The following PGAP6 variants were observed in gnomAD, a reference collection of about 807,000 sequenced individuals.
PGAP6 encodes post-GPI attachment to proteins 6, also known as post-GPI attachment to proteins factor 6.
Under a neutral mutation model 68.4 loss-of-function variants are expected in PGAP6, and 62 were observed. The observed-to-expected ratio is 0.91, with a 90% CI of 0.74 to 1.12. PGAP6 has a LOEUF of 1.12. PGAP6 is among the 50% of genes most tolerant of loss of function. PGAP6 has a pLI of 0.00. For missense variants in PGAP6, 1,188 were observed against 1,068.5 expected, an observed-to-expected ratio of 1.11 and a Z score of -1.56; for synonymous variants, 575 against 474.0, an observed-to-expected ratio of 1.21 and a Z score of -2.77.
At position 377,681 on chromosome 16, in the gene PGAP6, C is replaced by A. The variant is rs762206446; in HGVS notation, c.289G>T (p.Glu97Ter). ...CGGGCAGCCACCTACACGGTGATCT[C>A]CGCGTCGGTGCAGGCAGCGCCGCTC... ...RESGAACTDA[E>*]ITVHFRSGAP... The change falls in exon 2 of 13, where the codon GAG becomes TAG. Residue 97 changes from glutamate to a stop codon, truncating the protein, a stop_gained. Coordinates refer to ENST00000431232, the MANE Select transcript of PGAP6 (RefSeq NM_021259.3). LOFTEE classifies it high-confidence loss of function. 6.3e-7 allele frequency: 1 copy of A among 1,584,646 alleles called. No individual in the cohort carries two copies. Among genetic ancestry groups the A allele is most frequent in the Non-Finnish European group, 8.6e-7 (1 of 1,166,576 alleles).
intron 1 of PGAP6, among the ~76,000 whole-genome samples, chr16:378,361 C>G (rs79939350): frequency 0.014 from 630 of 45,880 alleles, 9 homozygotes; most frequent in Middle Eastern, 0.06. Context: ...GACTGCCATC[C>G]CCACCCGCAC....
rs150398670 is a variant in PGAP6, at chr16:377,084, C to A, written c.588G>T (p.Pro196=). 3.7e-6 allele frequency: 6 copies of A among 1,613,358 alleles called. No homozygotes were observed. The African/African-American group carries it at 6.7e-5, about 18-fold the overall frequency. Residue 196 remains proline (P), a synonymous_variant, in exon 4 of 13, where the codon CCG becomes CCT. Transcript: ENST00000431232. ...TRVVEISIME[P]DVPLPQTLLS... ...GGAGGGTCTGAGGAAGGGGCACGTC[C>A]GGCTCCATGATGGAAATCTCGACCA...
upstream of PGAP6, among the ~76,000 whole-genome samples, chr16:383,708 A>C (rs1426105771): frequency 6.6e-6 from 1 of 152,242 alleles, no homozygotes; most frequent in African/African-American, 2.4e-5. Flanking sequence ...GTGTGTGTCA[A>C]AGGCATCGAA....
intron 1 of PGAP6, 67 bp downstream of exon 1, chr16:381,634 G>T: frequency 1.8e-6 from 2 of 1,133,796 alleles, no homozygotes; most frequent in Non-Finnish European, 1.1e-6. Context: ...CGCCCGGGGT[G>T]TCACAATCCC....
chr16:375,538 T>G, intron 6 of PGAP6, 103 bp from the exon 7 acceptor site: 2 of 980,964 alleles, frequency 2.0e-6, no homozygotes, highest in South Asian at 1.4e-5. Context: ...CCTTTCTTTT[T>G]TTTTTTTTTT....
At chr16:383,374 G>GT (rs2054461281), upstream of PGAP6, 1 of 152,266 alleles carries the variant, frequency 6.6e-6, no homozygotes. Flanking sequence ...GTCCACTGAA[G>GT]TAACAGCAGC....
intron 6 of PGAP6, 50 bp from the exon 7 acceptor site, chr16:375,485 T>A: frequency 2.0e-6 from 3 of 1,526,170 alleles, no homozygotes; most frequent in Non-Finnish European, 1.8e-6. Context: ...CTGGCCGCAG[T>A]GGGGTCATCT....
chr16:376,176 T>C lies in PGAP6; in HGVS notation c.1184A>G (p.Asp395Gly). Residue 395 changes from aspartate (D) to glycine (G), a missense_variant, in exon 6 of 13, where the codon GAC (aspartate) becomes GGC (glycine). Coordinates refer to ENST00000431232, the MANE Select transcript of PGAP6 (RefSeq NM_021259.3). ...VMRLRLNTGM[D>G]SGGSLTISLR... The stretch of plus-strand genomic sequence containing the variant: ...GGAGATGGTGAGGGAACCCCCGCTG[T>C]CCATGCCGGTGTTCAGGCGCAGCCG... The C allele has an allele frequency of 6.2e-7, 1 of 1,611,708 alleles. No individual in the cohort carries two copies. The highest frequency in any genetic ancestry group is 8.5e-7 in the Non-Finnish European group (1 of 1,179,406).
chr16:378,516 T>TGCCATC (rs138314253), intron 1 of PGAP6, among the ~76,000 whole-genome samples: 218 of 1,340 alleles, frequency 0.16, 44 homozygotes, highest in Non-Finnish European at 0.17. Context: ...CCACCCGCAC[T>TGCCATC]GCCACCCGGA....
Position 377,696 on chromosome 16 carries a change from C to T in PGAP6, c.274G>A (p.Ala92Thr). 6.3e-7 allele frequency: 1 copy of T among 1,591,638 alleles called. No individual in the cohort carries two copies. The highest frequency in any genetic ancestry group is 1.8e-5 in the Admixed American group (1 of 56,608). Reference protein sequence around the residue: ...LLQVSRESGAACTDAEITVHF... With the variant: ...LLQVSRESGATCTDAEITVHF... ...ACGGTGATCTCCGCGTCGGTGCAGG[C>T]AGCGCCGCTCTCCCGGGAGACCTGC... is the stretch of plus-strand genomic sequence containing the variant. Residue 92 changes from alanine (A) to threonine (T), a missense_variant, in exon 2 of 13, where the codon GCC (alanine) becomes ACC (threonine). Coordinates refer to ENST00000431232, the MANE Select transcript of PGAP6 (RefSeq NM_021259.3).
chr16:386,346 T>G (rs113934598), upstream of PGAP6, among the ~76,000 whole-genome samples: 16 of 152,182 alleles, frequency 1.1e-4, no homozygotes, highest in Admixed American at 6.5e-5. Context: ...TCTCTCTCTG[T>G]GGACACTCTC....
chr16:375,488 G>A (rs2054374473), intron 6 of PGAP6, 53 bp from the exon 7 acceptor site: 1 of 1,523,988 alleles, frequency 6.6e-7, no homozygotes, highest in Non-Finnish European at 9.1e-7. Flanking sequence ...GCCGCAGTGG[G>A]GTCATCTGCC....
At chr16:377,889 T>G in intron 1 of PGAP6, 41 bp from the exon 2 acceptor site, 2 of 1,506,066 alleles carry the variant, frequency 1.3e-6, no homozygotes, top group Non-Finnish European at 1.8e-6. Flanking sequence ...GGGACCCTCC[T>G]CCAGGGCCGC....
chr16:376,853 C>T (rs1422990329), intron 4 of PGAP6, 41 bp from the exon 5 acceptor site: 1 of 1,597,270 alleles, frequency 6.3e-7, no homozygotes, highest in East Asian at 2.2e-5. Context: ...TCTGCCATTC[C>T]TCAGCCCAGG....
rs1336352803 is a variant in PGAP6, at chr16:371,137, C to G, written c.*850G>C. On this transcript the variant is annotated 3_prime_UTR_variant, in exon 13 of 13. Transcript: ENST00000431232. ...CAGGTGCTGCTCCTGGTCATTGCTTCCCCCACAAGGTTTGCATGAGGAGCA... is the reference window on the plus strand; with the variant it reads ...CAGGTGCTGCTCCTGGTCATTGCTTGCCCCACAAGGTTTGCATGAGGAGCA... 1 of 152,342 alleles carries G rather than the reference C, an allele frequency of 6.6e-6. No homozygotes were observed. Among genetic ancestry groups the G allele is most frequent in the Non-Finnish European group, 1.5e-5 (1 of 68,172 alleles). 9.4% of individuals were successfully genotyped at this position (152,342 alleles called of 1,614,324 possible). A position where few individuals can be genotyped will look rare whatever the true frequency, so the allele number is the denominator to read the frequency against.
At chr16:383,882 C>T (rs2054465028), upstream of PGAP6, among the ~76,000 whole-genome samples, 1 of 152,154 alleles carries the variant, frequency 6.6e-6, no homozygotes, top group Non-Finnish European at 1.5e-5. Flanking sequence ...ACTCCACGAG[C>T]CCAGACCCCT....
intron 1 of PGAP6, among the ~76,000 whole-genome samples, chr16:380,469 C>T (rs2003830): frequency 6.6e-6 from 1 of 151,584 alleles, no homozygotes; most frequent in South Asian, 2.1e-4. Flanking sequence ...CGGGTTCAAG[C>T]GATTCTCCTG....
chr16:381,744 AAGCAGCAGC>A lies in PGAP6; in HGVS notation c.69_77del (p.Leu24_Leu26del), dbSNP rs746261103. 1.7e-6 allele frequency: 2 copies of A among 1,210,914 alleles called. No individual in the cohort carries two copies. The highest frequency in any genetic ancestry group is 3.5e-5 in the East Asian group (1 of 28,756). 75.0% of individuals were successfully genotyped at this position (1,210,914 alleles called of 1,614,324 possible). ...CGGCGGAGGCAGGCGGGGGCCGGGC[AAGCAGCAGC>A]AGCAGCAGCGGCCCCGCCACCACCG... On this transcript the variant is annotated inframe_deletion, in exon 1 of 13. Transcript: ENST00000431232.
At chr16:378,758 T>C (rs577483425) in intron 1 of PGAP6, among the ~76,000 whole-genome samples, 1 of 152,302 alleles carries the variant, frequency 6.6e-6, no homozygotes, top group Non-Finnish European at 1.5e-5. Context: ...AAATTCCCCT[T>C]ACCCAGAGGG....
Sources: gnomAD v4.1 joint callset for allele counts (sites outside exome capture counted in the v4.1 genomes callset) on GRCh38, gnomAD v4.1.1 for gene constraint, MANE v1.5 for transcripts, NCBI Gene and HGNC (gene_info 2026-07-23, HGNC 2026-07-21) for gene names.